NRG1: variants seen among roughly 807,000 people sequenced by gnomAD.
NRG1 encodes the protein neuregulin 1.
A neutral mutation model predicts 63.8 loss-of-function variants in NRG1; 18 were observed. The observed-to-expected ratio is 0.28, with a 90% CI of 0.19 to 0.42. The LOEUF (loss-of-function observed/expected upper bound fraction) is 0.42. NRG1 is among the 10% of genes least tolerant of loss of function. The pLI is 1.00. For missense variants in NRG1, 762 were observed against 814.7 expected (o/e 0.94, Z 0.79); for synonymous variants, 302 against 301.3 (o/e 1.00, Z -0.02).
intron 1 of NRG1, among the ~76,000 whole-genome samples, chr8:31,876,135 A>C (rs757437154): frequency 2.6e-5 from 4 of 152,240 alleles, no homozygotes; most frequent in African/African-American, 4.8e-5. Flanking sequence ...GTTAGTTTAT[A>C]TGACCTATTT....
chr8:32,552,304 C>G (rs1834308234), intron 1 of NRG1, among the ~76,000 whole-genome samples: 1 of 151,534 alleles, frequency 6.6e-6, no homozygotes, highest in African/African-American at 2.4e-5. Context: ...TTACTCTGCA[C>G]CTCTGCACGG....
chr8:31,685,104 C>T (rs1808749694), intron 1 of NRG1, among the ~76,000 whole-genome samples: 1 of 152,018 alleles, frequency 6.6e-6, no homozygotes, highest in Admixed American at 6.5e-5. Flanking sequence ...AAAATTCAAG[C>T]TCACATATTA....
chr8:32,640,873 A>T (rs1852259915), intron 5 of NRG1, among the ~76,000 whole-genome samples: 1 of 151,920 alleles, frequency 6.6e-6, no homozygotes, highest in African/African-American at 2.4e-5. Flanking sequence ...TGGTGGGAGG[A>T]TTGTTGAGGC....
chr8:32,640,562 C>G (rs868215315), intron 5 of NRG1, among the ~76,000 whole-genome samples: 8 of 149,110 alleles, frequency 5.4e-5, no homozygotes, highest in South Asian at 4.3e-4. Flanking sequence ...CTGCCATTTG[C>G]CCCTCATCCT....
Position 31,639,995 on chromosome 8 carries a change from G to T in NRG1, c.37+564G>T, listed in dbSNP as rs367543150. On this transcript the variant is annotated intron_variant, in intron 1 of 10. Coordinates refer to the NRG1 transcript ENST00000519301. ...CACGCACCTCGCACCATGAGATGGC[G>T]ACGCGCCCCGCGCCGCTCCGGGCGT... 3.0e-4 allele frequency: 338 copies of T among 1,124,740 alleles called. 1 individual carries two copies. Among genetic ancestry groups the T allele is most frequent in the Non-Finnish European group, 3.5e-4 (323 of 920,422 alleles). The allele number at this position is 1,124,740 out of a possible 1,614,324, so 69.7% of individuals were successfully genotyped here. A position where few individuals can be genotyped will look rare whatever the true frequency, so the allele number is the denominator to read the frequency against.
chr8:31,899,791 G>T (rs1041011186), intron 1 of NRG1, among the ~76,000 whole-genome samples: 1 of 152,140 alleles, frequency 6.6e-6, no homozygotes, highest in Non-Finnish European at 1.5e-5. Flanking sequence ...AAAATGTGTT[G>T]TTTTAAAATT....
At chr8:32,681,485 G>A (rs558507168) in intron 5 of NRG1, among the ~76,000 whole-genome samples, 35 of 152,130 alleles carry the variant, frequency 2.3e-4, no homozygotes, top group African/African-American at 7.9e-4. Context: ...ATTTTAAAAT[G>A]TATTAACTGA....
chr8:32,594,119 T>A (rs954443385), intron 1 of NRG1, among the ~76,000 whole-genome samples: 2 of 152,188 alleles, frequency 1.3e-5, no homozygotes, highest in African/African-American at 2.4e-5. Context: ...TTTTTAGGAT[T>A]TACTTGGCAA....
intron 1 of NRG1, among the ~76,000 whole-genome samples, chr8:31,800,700 T>C (rs1407813252): frequency 6.6e-6 from 1 of 152,086 alleles, no homozygotes; most frequent in Admixed American, 6.5e-5. Flanking sequence ...ACTTTTTTCA[T>C]TGCAAAATTT....
At chr8:31,795,904 C>T (rs1645126183) in intron 1 of NRG1, among the ~76,000 whole-genome samples, 1 of 151,960 alleles carries the variant, frequency 6.6e-6, no homozygotes, top group Admixed American at 6.6e-5. Context: ...GGTTTCTGGC[C>T]CAAAGATGAT....
chr8:31,819,206 C>CTCCAGCTTGGGTGACAGAGCA (rs1554542286), intron 1 of NRG1, among the ~76,000 whole-genome samples: 5 of 151,808 alleles, frequency 3.3e-5, no homozygotes, highest in African/African-American at 1.2e-4. Flanking sequence ...GCTACTTACA[C>CTCCAGCTTGGGTGACAGAGCA]TCCAGCCTGG....
intron 1 of NRG1, among the ~76,000 whole-genome samples, chr8:31,725,336 C>T (rs868265920): frequency 2.0e-5 from 3 of 152,096 alleles, no homozygotes; most frequent in Admixed American, 6.6e-5. Context: ...TCCCAGCTAA[C>T]GTTTGAGAAA....
At chr8:32,648,448 C>T in intron 5 of NRG1, 2 of 1,549,458 alleles carry the variant, frequency 1.3e-6, no homozygotes, top group Admixed American at 4.0e-5. Flanking sequence ...TTGAGGTCCC[C>T]AAAGGACATT....
intron 1 of NRG1, among the ~76,000 whole-genome samples, chr8:32,484,706 T>A (rs1302941254): frequency 1.3e-5 from 2 of 152,184 alleles, no homozygotes; most frequent in African/African-American, 4.8e-5. Flanking sequence ...GCTTTTTGGT[T>A]TGCCTATTTC....
chr8:32,453,901 C>T (rs878898530), intron 1 of NRG1, among the ~76,000 whole-genome samples: 1 of 152,190 alleles, frequency 6.6e-6, no homozygotes, highest in Admixed American at 6.5e-5. Flanking sequence ...CAGAGAAACT[C>T]CCTGTGTTCT....
intron 1 of NRG1, among the ~76,000 whole-genome samples, chr8:31,644,627 G>T (rs13281453): frequency 0.19 from 29,133 of 152,020 alleles, 3,492 homozygotes; most frequent in East Asian, 0.29. Flanking sequence ...GAGAGCAAAA[G>T]ATGTGATTGG....
chr8:31,722,081 C>G (rs533855352), intron 1 of NRG1, among the ~76,000 whole-genome samples: 3 of 152,044 alleles, frequency 2.0e-5, no homozygotes, highest in Non-Finnish European at 4.4e-5. Context: ...AATCTTCCAC[C>G]GAGTTCTCAG....
At chr8:31,779,055 G>C (rs962051675) in intron 1 of NRG1, among the ~76,000 whole-genome samples, 4 of 152,198 alleles carry the variant, frequency 2.6e-5, no homozygotes, top group Non-Finnish European at 5.9e-5. Context: ...GCTGTTTCTT[G>C]TTGGTACTCT....
At chr8:32,744,838 T>G (rs1769950989) in intron 7 of NRG1, among the ~76,000 whole-genome samples, 1 of 152,172 alleles carries the variant, frequency 6.6e-6, no homozygotes, top group Non-Finnish European at 1.5e-5. Context: ...ACCATTTGCT[T>G]TTTCAGAAGA....
Sources: gnomAD v4.1 joint callset for allele counts (sites outside exome capture counted in the v4.1 genomes callset) on GRCh38, gnomAD v4.1.1 for gene constraint, MANE v1.5 for transcripts, NCBI Gene and HGNC (gene_info 2026-07-23, HGNC 2026-07-21) for gene names.